ADGRL2: variants seen among roughly 807,000 people sequenced by gnomAD.
ADGRL2 encodes calcium-independent alpha-latrotoxin receptor 2.
Under a neutral mutation model 157.4 loss-of-function variants are expected in ADGRL2, and 44 were observed. The observed-to-expected ratio is 0.28, with a 90% confidence interval of 0.22 to 0.36. The LOEUF (loss-of-function observed/expected upper bound fraction) is 0.36, where lower values mean the gene tolerates loss of function less well. Ranked by LOEUF, ADGRL2 falls within the 10% of genes least tolerant of loss-of-function variation. The pLI is 1.00. For missense variants in ADGRL2, 1,510 were observed against 1,768.9 expected, an observed-to-expected ratio of 0.85 and a Z score of 2.63; for synonymous variants, 585 against 624.7, an observed-to-expected ratio of 0.94 and a Z score of 0.95.
intron 1 of ADGRL2, among the ~76,000 whole-genome samples, chr1:81,366,136 A>T (rs1295975456): frequency 6.6e-6 from 1 of 152,098 alleles, no homozygotes; most frequent in Non-Finnish European, 1.5e-5. Flanking sequence ...ATCTTTAGAG[A>T]GTAGCTCTTT....
At chr1:81,606,236 C>T (rs762129718) in intron 3 of ADGRL2, among the ~76,000 whole-genome samples, 1 of 152,152 alleles carries the variant, frequency 6.6e-6, no homozygotes, top group Non-Finnish European at 1.5e-5. Flanking sequence ...GTATTCTTCC[C>T]TATTCCCTTG....
intron 2 of ADGRL2, among the ~76,000 whole-genome samples, chr1:81,491,078 T>C (rs1326154931): frequency 6.6e-6 from 1 of 152,184 alleles, no homozygotes; most frequent in Non-Finnish European, 1.5e-5. Context: ...CCATTAAATG[T>C]CGCCTTGGGG....
chr1:81,743,199 G>A (rs1372281294), intron 1 of ADGRL2, among the ~76,000 whole-genome samples: 1 of 151,916 alleles, frequency 6.6e-6, no homozygotes, highest in African/African-American at 2.4e-5. Context: ...AGGGTTCTTA[G>A]AGCAAACCTG....
In ADGRL2 at chr1:81,311,690, C is replaced by T. The variant is rs571887452; in HGVS notation, c.-302+5181C>T. On this transcript the variant is annotated intron_variant, in intron 1 of 24. Coordinates refer to the ADGRL2 transcript ENST00000370721. ...TTAAGACTTAGCTATATTCCAAATA[C>T]TGAGCCTACGCTCTCTGACAGCATA... Among the ~76,000 whole-genome samples the T allele has an allele frequency of 3.7e-3, 569 of 152,314 alleles. 14 individuals carry two copies. The highest frequency in any genetic ancestry group is 2.1e-3 in the Non-Finnish European group (145 of 68,034).
At chr1:81,715,950 T>G (rs1399587179) in intron 1 of ADGRL2, among the ~76,000 whole-genome samples, 2 of 152,108 alleles carry the variant, frequency 1.3e-5, no homozygotes, top group African/African-American at 4.8e-5. Flanking sequence ...AAGTTAGGGA[T>G]GGTTTGCCTC....
chr1:81,503,912 G>A (rs1481701926), intron 2 of ADGRL2, among the ~76,000 whole-genome samples: 1 of 152,162 alleles, frequency 6.6e-6, no homozygotes, highest in African/African-American at 2.4e-5. Context: ...GTCCCATGTG[G>A]GGCTGCCAGG....
chr1:81,794,322 C>T (rs1571246856), intron 2 of ADGRL2, among the ~76,000 whole-genome samples: 1 of 152,100 alleles, frequency 6.6e-6, no homozygotes, highest in East Asian at 1.9e-4. Context: ...ACTCTTAATG[C>T]ACTAATAATC....
At chr1:81,606,505 A>G (rs1016585787) in intron 3 of ADGRL2, among the ~76,000 whole-genome samples, 1 of 151,672 alleles carries the variant, frequency 6.6e-6, no homozygotes, top group African/African-American at 2.4e-5. Context: ...ATGCACACAC[A>G]CACACACACA....
intron 1 of ADGRL2, among the ~76,000 whole-genome samples, chr1:81,805,458 A>G (rs1035823924): frequency 6.6e-6 from 1 of 152,044 alleles, no homozygotes; most frequent in African/African-American, 2.4e-5. Flanking sequence ...ATGAATTGAT[A>G]ACCTTTCATT....
At chr1:81,487,091 CAA>C (rs146122539) in intron 2 of ADGRL2, among the ~76,000 whole-genome samples, 22 of 85,252 alleles carry the variant, frequency 2.6e-4, no homozygotes, top group African/African-American at 8.3e-4. Flanking sequence ...CTCATCTCTA[CAA>C]AAAAAAAAAA....
intron 2 of ADGRL2, among the ~76,000 whole-genome samples, chr1:81,787,048 T>G (rs966105873): frequency 1.1e-4 from 16 of 149,742 alleles, no homozygotes; most frequent in African/African-American, 3.6e-4. Context: ...ATCTGATGGT[T>G]TTACCAGGGG....
chr1:81,386,656 T>G (rs1432561204), intron 1 of ADGRL2, among the ~76,000 whole-genome samples: 1 of 152,098 alleles, frequency 6.6e-6, no homozygotes, highest in Non-Finnish European at 1.5e-5. Flanking sequence ...CTTTAAAAGG[T>G]CCTTTACTAA....
chr1:81,348,624 C>T (rs114342097), intron 1 of ADGRL2, among the ~76,000 whole-genome samples: 80 of 152,046 alleles, frequency 5.3e-4, no homozygotes, highest in African/African-American at 1.8e-3. Flanking sequence ...GAAAACAAAA[C>T]CAAGAATAAA....
intron 1 of ADGRL2, among the ~76,000 whole-genome samples, chr1:81,362,555 G>T (rs2075997163): frequency 6.6e-6 from 1 of 151,832 alleles, no homozygotes. Context: ...TTTAACAACT[G>T]AAGTTAATTT....
chr1:81,553,533 G>T (rs1416089397), intron 2 of ADGRL2, among the ~76,000 whole-genome samples: 2 of 152,122 alleles, frequency 1.3e-5, no homozygotes, highest in Non-Finnish European at 2.9e-5. Context: ...TTTTTGATTT[G>T]TTATATGCCT....
At chr1:81,572,771 T>G (rs1475727964) in intron 2 of ADGRL2, among the ~76,000 whole-genome samples, 1 of 152,050 alleles carries the variant, frequency 6.6e-6, no homozygotes, top group Non-Finnish European at 1.5e-5. Context: ...TTAAACAGAT[T>G]TCTTTTTTCA....
intron 1 of ADGRL2, among the ~76,000 whole-genome samples, chr1:81,369,080 G>A (rs1410106201): frequency 1.3e-5 from 2 of 150,858 alleles, no homozygotes; most frequent in Non-Finnish European, 3.0e-5. Flanking sequence ...TTTGAATAAA[G>A]TGAAAAGGAA....
intron 3 of ADGRL2, among the ~76,000 whole-genome samples, chr1:81,645,644 A>G (rs1441502493): frequency 6.6e-6 from 1 of 152,074 alleles, no homozygotes; most frequent in Non-Finnish European, 1.5e-5. Flanking sequence ...TAACTTCACA[A>G]TAGTTATTAG....
chr1:81,686,691 G>A (rs2148974147), intron 3 of ADGRL2, among the ~76,000 whole-genome samples: 1 of 152,108 alleles, frequency 6.6e-6, no homozygotes, highest in East Asian at 1.9e-4. Flanking sequence ...GGTTTGGTTT[G>A]TTCTTATTTC....
Sources: gnomAD v4.1 joint callset for allele counts (sites outside exome capture counted in the v4.1 genomes callset) on GRCh38, gnomAD v4.1.1 for gene constraint, MANE v1.5 for transcripts, NCBI Gene and HGNC (gene_info 2026-07-23, HGNC 2026-07-21) for gene names.